Variants in ADGRE3 observed in about 807,000 individuals in gnomAD.
ADGRE3 encodes EGF-like module receptor 3.
Under a neutral mutation model 80.1 loss-of-function variants are expected in ADGRE3, and 88 were observed. The observed-to-expected ratio is 1.10, with a 90% CI of 0.93 to 1.31. The LOEUF (loss-of-function observed/expected upper bound fraction) is 1.31, where lower values mean the gene tolerates loss of function less well. Among genes scored for constraint, ADGRE3 ranks in the 40% most tolerant of loss-of-function variants. ADGRE3 has a pLI of 0.00. For synonymous variants in ADGRE3, 281 were observed against 294.8 expected (o/e 0.95, Z 0.48); for missense variants, 715 against 776.5 (o/e 0.92, Z 0.94).
chr19:14,609,785 C>A, the ADGRE3 span, among the ~76,000 whole-genome samples: 1 of 151,856 alleles, frequency 6.6e-6, no homozygotes, highest in Non-Finnish European at 1.5e-5. Context: ...TTGCAGTGAG[C>A]CGAGATCACG....
At chr19:14,620,893 G>A (rs1303781685) in intron 15 of ADGRE3, among the ~76,000 whole-genome samples, 1 of 151,772 alleles carries the variant, frequency 6.6e-6, no homozygotes, top group Non-Finnish European at 1.5e-5. Flanking sequence ...TTATTTCATT[G>A]TGGAGAACCA....
chr19:14,600,185 G>C, the ADGRE3 span: 5 of 1,613,858 alleles, frequency 3.1e-6, no homozygotes, highest in Non-Finnish European at 3.4e-6. Flanking sequence ...CTGAGCACGT[G>C]AGTTCTTCCC....
At chr19:14,605,920 TG>T in the ADGRE3 span, among the ~76,000 whole-genome samples, 1 of 152,038 alleles carries the variant, frequency 6.6e-6, no homozygotes, top group African/African-American at 2.4e-5. Flanking sequence ...TAAAAATTTT[TG>T]TAGATATGGG....
At chr19:14,651,723 TCAA>T (rs1971612637) in intron 6 of ADGRE3, among the ~76,000 whole-genome samples, 1 of 152,086 alleles carries the variant, frequency 6.6e-6, no homozygotes, top group African/African-American at 2.4e-5. Flanking sequence ...ATCTAGATGT[TCAA>T]CAAGAGGTGA....
Position 14,619,395 on chromosome 19 carries a change from T to G in ADGRE3, c.*38A>C. 7.2e-7 allele frequency: 1 copy of G among 1,388,474 alleles called. No homozygotes were observed. Among genetic ancestry groups the G allele is most frequent in the Non-Finnish European group, 1.0e-6 (1 of 976,226 alleles). The allele number at this position is 1,388,474 out of a possible 1,614,324, so 86.0% of individuals were successfully genotyped here. A position where few individuals can be genotyped will look rare whatever the true frequency, so the allele number is the denominator to read the frequency against. ...TTCTTCATAATGCCAAAGAGATCCA[T>G]GGATATGATTTTCCATATGGAGTTG... On this transcript the variant is annotated 3_prime_UTR_variant, in exon 16 of 16. Transcript: ENST00000253673.
At chr19:14,660,407 G>A (rs539198080) in intron 4 of ADGRE3, among the ~76,000 whole-genome samples, 3 of 152,010 alleles carry the variant, frequency 2.0e-5, no homozygotes, top group Non-Finnish European at 2.9e-5. Flanking sequence ...CAGAAGGATC[G>A]CTTGAGACCA....
intron 6 of ADGRE3, among the ~76,000 whole-genome samples, 173 bp downstream of exon 6, chr19:14,654,809 T>G (rs1971708254): frequency 6.6e-6 from 1 of 152,054 alleles, no homozygotes; most frequent in Admixed American, 6.6e-5. Flanking sequence ...CCCTCCCTCC[T>G]GCCCCTCCCT....
intron 15 of ADGRE3, among the ~76,000 whole-genome samples, chr19:14,620,569 T>TATATATATATATATATA (rs1427819287): frequency 5.3e-4 from 4 of 7,568 alleles, no homozygotes; most frequent in African/African-American, 2.2e-3. Context: ...TATATATATA[T>TATATATATATATATATA]TTTTTTTTTT....
At chr19:14,666,699 G>A (rs938708941) in intron 2 of ADGRE3, among the ~76,000 whole-genome samples, 3 of 152,112 alleles carry the variant, frequency 2.0e-5, no homozygotes, top group African/African-American at 7.2e-5. Context: ...GTATATAGAA[G>A]AGGTGGTATT....
the ADGRE3 span, among the ~76,000 whole-genome samples, chr19:14,600,580 T>A: frequency 0.11 from 16,745 of 150,348 alleles, 1,020 homozygotes; most frequent in African/African-American, 0.16. Flanking sequence ...TTTATTTCTT[T>A]TCTTTTCTTT....
At position 14,662,031 on chromosome 19, in the gene ADGRE3, CA is replaced by C; in HGVS notation, c.286del (p.Cys96ValfsTer78). 1 of 1,613,938 alleles carries C rather than the reference CA, an allele frequency of 6.2e-7. No homozygotes were observed. The highest frequency in any genetic ancestry group is 8.5e-7 in the Non-Finnish European group (1 of 1,179,782). On this transcript the variant is annotated frameshift_variant, in exon 4 of 16. Coordinates refer to ENST00000253673, the MANE Select transcript of ADGRE3 (RefSeq NM_032571.5). LOFTEE classifies it high-confidence loss of function. ...AGAATGCAGTCTATATCCTGGGACA[CA>C]TTGACAGTAGAAACTTCCTTCGACA... ...YNVEGSFYCQ[C>X]VPGYRLHSGN...
chr19:14,601,278 C>T, the ADGRE3 span, among the ~76,000 whole-genome samples: 2 of 152,116 alleles, frequency 1.3e-5, no homozygotes, highest in African/African-American at 4.8e-5. Context: ...GGAAATCATA[C>T]ATTGACTGTC....
At chr19:14,638,026 T>G (rs555479508) in intron 11 of ADGRE3, 79 bp downstream of exon 11, 1 of 1,010,848 alleles carries the variant, frequency 9.9e-7, no homozygotes, top group East Asian at 2.4e-5. Flanking sequence ...TTACGTATAT[T>G]CCCACCATCA....
chr19:14,641,758 G>A, intron 9 of ADGRE3, 142 bp from the exon 10 acceptor site: 2 of 979,476 alleles, frequency 2.0e-6, no homozygotes, highest in Non-Finnish European at 3.1e-6. Flanking sequence ...GATTGCTAAT[G>A]TAGACTGCTA....
At chr19:14,627,505 G>C (rs1970766382) in intron 14 of ADGRE3, among the ~76,000 whole-genome samples, 1 of 152,080 alleles carries the variant, frequency 6.6e-6, no homozygotes. Flanking sequence ...AGCCTCCCTA[G>C]TAGCTGGGAT....
chr19:14,668,686 C>T (rs759276338), intron 2 of ADGRE3, 116 bp downstream of exon 2: 1 of 703,820 alleles, frequency 1.4e-6, no homozygotes, highest in Admixed American at 2.6e-5. Flanking sequence ...CAGGAGCAAG[C>T]CTTCCCAAAT....
In ADGRE3 at chr19:14,636,149, T is replaced by TTCCTTCCTTCCTTCCTTC. The variant is rs1555755847; in HGVS notation, c.1484+1955_1484+1956insGAAGGAAGGAAGGAAGGA. ...TTCTTTCTTTCTTTCTTTCTTTCTTTCTTCCTTTCCTCCTTTCCTTTCCTT... is the reference window on the plus strand; with the variant it reads ...TTCTTTCTTTCTTTCTTTCTTTCTTTTCCTTCCTTCCTTCCTTCCTTCCTTTCCTCCTTTCCTTTCCTT... On this transcript the variant is annotated intron_variant, in intron 11 of 15. Coordinates refer to ENST00000253673, the MANE Select transcript of ADGRE3 (RefSeq NM_032571.5). Among the ~76,000 whole-genome samples, 195 of 40,604 alleles carry TTCCTTCCTTCCTTCCTTC rather than the reference T, an allele frequency of 4.8e-3. 26 individuals carry two copies. The highest frequency in any genetic ancestry group is 0.01 in the East Asian group (13 of 1,270). 26.6% of individuals were successfully genotyped at this position (40,604 alleles called of 152,430 possible).
At chr19:14,641,990 T>C (rs919385080) in intron 9 of ADGRE3, among the ~76,000 whole-genome samples, 1 of 152,072 alleles carries the variant, frequency 6.6e-6, no homozygotes, top group African/African-American at 2.4e-5. Flanking sequence ...ATGATTTTTT[T>C]CCCCTAAAAA....
rs1413338359 is a variant in ADGRE3, at chr19:14,626,473, T to A, written c.1813-874A>T. Among the ~76,000 whole-genome samples the A allele has an allele frequency of 2.0e-5, 3 of 151,866 alleles. No individual in the cohort carries two copies. The East Asian group carries it at 5.8e-4, about 29-fold the overall frequency. On this transcript the variant is annotated intron_variant, in intron 14 of 15. Coordinates refer to ENST00000253673, the MANE Select transcript of ADGRE3 (RefSeq NM_032571.5). ...AGAAAAGAAAAGAAAAAATAGAAAATGTATAAGATATGCATATGCAAAAGG... is the reference window on the plus strand; with the variant it reads ...AGAAAAGAAAAGAAAAAATAGAAAAAGTATAAGATATGCATATGCAAAAGG...
Sources: gnomAD v4.1 joint callset for allele counts (sites outside exome capture counted in the v4.1 genomes callset) on GRCh38, gnomAD v4.1.1 for gene constraint, MANE v1.5 for transcripts, NCBI Gene and HGNC (gene_info 2026-07-23, HGNC 2026-07-21) for gene names.